The following DNAI4 variants were observed in gnomAD, a reference collection of about 807,000 sequenced individuals.
DNAI4 encodes the protein dynein axonemal intermediate chain 4.
In DNAI4, 85 loss-of-function variants were observed where a neutral mutation model predicts 105.8. The observed-to-expected ratio is 0.80, with a 90% confidence interval of 0.67 to 0.96. The LOEUF is 0.96. Ranked by LOEUF, DNAI4 falls within the 40% of genes least tolerant of loss-of-function variation. The pLI, the probability that DNAI4 is intolerant of heterozygous loss-of-function variation, is 0.00. For missense variants in DNAI4, 1,014 were observed against 1,005.6 expected, an observed-to-expected ratio of 1.01 and a Z score of -0.11; for synonymous variants, 352 against 331.5, an observed-to-expected ratio of 1.06 and a Z score of -0.67.
chr1:66,834,090 G>A lies in DNAI4; in HGVS notation c.1792C>T (p.Arg598Ter), dbSNP rs201757261. ...VWQLQWIEQD[R>*]GTTGDGKREI... ...CTTTTGCCATCTCCTGTTGTTCCTC[G>A]ATCTTGTTCTATCCACTGTAGTTGC... is the stretch of plus-strand genomic sequence containing the variant. Residue 598 changes from arginine to a stop codon, truncating the protein, a stop_gained, in exon 12 of 17, where the codon CGA becomes TGA. Coordinates refer to ENST00000371026, the MANE Select transcript of DNAI4 (RefSeq NM_024763.5). LOFTEE classifies it high-confidence loss of function. 5.0e-6 allele frequency: 8 copies of A among 1,611,864 alleles called. No individual in the cohort carries two copies. Among genetic ancestry groups the A allele is most frequent in the East Asian group, 2.2e-5 (1 of 44,726 alleles).
chr1:66,859,817 G>T (rs755224749), intron 7 of DNAI4, among the ~76,000 whole-genome samples: 10 of 152,066 alleles, frequency 6.6e-5, no homozygotes, highest in African/African-American at 2.4e-4. Flanking sequence ...AAGGAGAAAT[G>T]ATGAATAGGT....
At chr1:66,893,542 T>A (rs954338507) in intron 2 of DNAI4, 129 bp from the exon 3 acceptor site, 2 of 531,892 alleles carry the variant, frequency 3.8e-6, no homozygotes, top group African/African-American at 2.0e-5. Context: ...AGGATAAACA[T>A]GAAAAATTGG....
At chr1:66,916,486 T>C (rs1420257440) in intron 1 of DNAI4, among the ~76,000 whole-genome samples, 1 of 152,144 alleles carries the variant, frequency 6.6e-6, no homozygotes, top group Non-Finnish European at 1.5e-5. Context: ...CTAATCAAAA[T>C]AAACGGCATC....
chr1:66,842,418 T>C (rs1306434017), intron 8 of DNAI4, among the ~76,000 whole-genome samples: 1 of 152,076 alleles, frequency 6.6e-6, no homozygotes, highest in Non-Finnish European at 1.5e-5. Flanking sequence ...GAAGACAGAG[T>C]CTCACTCTGT....
At chr1:66,839,332 T>C (rs1485284387) in intron 9 of DNAI4, among the ~76,000 whole-genome samples, 1 of 152,166 alleles carries the variant, frequency 6.6e-6, no homozygotes, top group Non-Finnish European at 1.5e-5. Context: ...TATAGTTTTA[T>C]AAAGATAAAT....
chr1:66,880,384 G>T (rs1354853273), intron 4 of DNAI4, among the ~76,000 whole-genome samples: 1 of 152,200 alleles, frequency 6.6e-6, no homozygotes, highest in Non-Finnish European at 1.5e-5. Context: ...ACTCCCTAGA[G>T]ACTTTTTGCA....
chr1:66,847,774 A>T lies in DNAI4; in HGVS notation c.1097-96T>A, dbSNP rs369048657. The T allele has an allele frequency of 1.4e-4, 141 of 1,043,000 alleles. No homozygotes were observed. In the East Asian group the frequency reaches 3.3e-3, roughly 24 times the overall value. 64.6% of individuals were successfully genotyped at this position (1,043,000 alleles called of 1,614,324 possible). A position where few individuals can be genotyped will look rare whatever the true frequency, so the allele number is the denominator to read the frequency against. On this transcript the variant is annotated intron_variant, in intron 7 of 16. Coordinates refer to ENST00000371026, the MANE Select transcript of DNAI4 (RefSeq NM_024763.5). ...AAATGACATTTCATCATTTGTATTTATTTTCCTCCAGTTTCCAACAACTTT... is the reference window on the plus strand; with the variant it reads ...AAATGACATTTCATCATTTGTATTTTTTTTCCTCCAGTTTCCAACAACTTT...
chr1:66,824,983 C>T (rs998072006), intron 15 of DNAI4, among the ~76,000 whole-genome samples: 6 of 152,124 alleles, frequency 3.9e-5, no homozygotes, highest in Non-Finnish European at 7.4e-5. Context: ...AGCCCGCCAG[C>T]CTGCACTGCA....
rs1279736999 is a variant in DNAI4 at position 66,836,212 on chromosome 1, G to A, written c.1582-435C>T. 3.8e-3 allele frequency among the ~76,000 whole-genome samples: 320 copies of A among 85,266 alleles called. 5 individuals carry two copies. Among genetic ancestry groups the A allele is most frequent in the Middle Eastern group, 6.8e-3 (1 of 146 alleles). 55.9% of individuals were successfully genotyped at this position (85,266 alleles called of 152,430 possible). ...AGAAAGAAAGAAAGAAAGAAAGAGA[G>A]AGAGAGAGAGAGAGAGAGAGAGAAA... is the stretch of plus-strand genomic sequence containing the variant. On this transcript the variant is annotated intron_variant, in intron 10 of 16. Coordinates refer to ENST00000371026, the MANE Select transcript of DNAI4 (RefSeq NM_024763.5).
At position 66,885,306 on chromosome 1, in the gene DNAI4, C is replaced by G. The variant is rs967417662; in HGVS notation, c.643+5848G>C. Among the ~76,000 whole-genome samples the G allele has an allele frequency of 7.2e-5, 11 of 152,302 alleles. 2 individuals are homozygous for G. The highest frequency in any genetic ancestry group is 1.3e-4 in the Admixed American group (2 of 15,298). On this transcript the variant is annotated intron_variant, in intron 4 of 16. Coordinates refer to ENST00000371026, the MANE Select transcript of DNAI4 (RefSeq NM_024763.5). ...CCTTTCTTTATGTAGATGCAAGTTTCTGACCCATGTCATTTTTCTTTTGCC... is the reference window on the plus strand; with the variant it reads ...CCTTTCTTTATGTAGATGCAAGTTTGTGACCCATGTCATTTTTCTTTTGCC...
intron 2 of DNAI4, among the ~76,000 whole-genome samples, chr1:66,893,645 T>C (rs1648058678): frequency 6.6e-6 from 1 of 152,202 alleles, no homozygotes; most frequent in South Asian, 2.1e-4. Context: ...AATTAATATA[T>C]ATTAACTTTA....
Position 66,862,302 on chromosome 1 carries a change from C to T in DNAI4, c.941G>A (p.Gly314Asp). ...QCDKIIMEDKGIMSTAWDLYD... is the reference protein window; with the variant it reads ...QCDKIIMEDKDIMSTAWDLYD... ...CAAATCCCAGGCAGTGGACATTATG[C>T]CTAGATAAAGACACAGAAAGGTAAA... Residue 314 changes from glycine (G) to aspartate (D), a missense_variant and splice_region_variant, in exon 7 of 17, where the codon GGC becomes GAC. Coordinates refer to ENST00000371026, the MANE Select transcript of DNAI4 (RefSeq NM_024763.5). The T allele has an allele frequency of 6.2e-7, 1 of 1,604,278 alleles. No individual in the cohort carries two copies. The highest frequency in any genetic ancestry group is 1.7e-5 in the Admixed American group (1 of 57,640).
intron 4 of DNAI4, among the ~76,000 whole-genome samples, chr1:66,889,399 T>G (rs1189761960): frequency 6.6e-6 from 1 of 151,988 alleles, no homozygotes; most frequent in African/African-American, 2.4e-5. Flanking sequence ...TTTGAGACCA[T>G]AAGAAAAGAA....
At chr1:66,910,263 AAT>A (rs1166096075) in intron 1 of DNAI4, among the ~76,000 whole-genome samples, 17 of 152,162 alleles carry the variant, frequency 1.1e-4, no homozygotes, top group Admixed American at 1.1e-3. Context: ...AATAAAATAA[AAT>A]ATGACTACTC....
In DNAI4 at chr1:66,834,098, T is replaced by C. The variant is rs750089926; in HGVS notation, c.1784A>G (p.Glu595Gly). ...LGPVWQLQWIEQDRGTTGDGK... is the reference protein window; with the variant it reads ...LGPVWQLQWIGQDRGTTGDGK... ...ATCTCCTGTTGTTCCTCGATCTTGT[T>C]CTATCCACTGTAGTTGCCATACAGG... The change falls in exon 12 of 17, where the codon GAA (glutamate) becomes GGA (glycine). Residue 595 changes from glutamate (E) to glycine (G), a missense_variant. Glu to Gly is a moderately conservative substitution (Grantham distance 98). Transcript: ENST00000371026. The C allele has an allele frequency of 1.2e-6, 2 of 1,612,328 alleles. No homozygotes were observed. Among genetic ancestry groups the C allele is most frequent in the Admixed American group, 3.4e-5 (2 of 59,678 alleles).
intron 7 of DNAI4, among the ~76,000 whole-genome samples, chr1:66,860,436 G>A (rs1241438721): frequency 7.9e-5 from 12 of 151,838 alleles, no homozygotes; most frequent in Admixed American, 7.9e-4. Context: ...ACTAGTCCTA[G>A]TTTTGATCTG....
intron 2 of DNAI4, among the ~76,000 whole-genome samples, chr1:66,896,266 C>T (rs908972153): frequency 1.2e-4 from 19 of 152,048 alleles, no homozygotes; most frequent in Non-Finnish European, 2.4e-4. Flanking sequence ...TTTTTAAAAG[C>T]TTTTTTACAT....
At chr1:66,879,594 T>C (rs1355972560) in intron 4 of DNAI4, among the ~76,000 whole-genome samples, 1 of 152,218 alleles carries the variant, frequency 6.6e-6, no homozygotes, top group Non-Finnish European at 1.5e-5. Context: ...TTTAGTTTTA[T>C]GCGAAATTGT....
intron 11 of DNAI4, 22 bp from the exon 12 acceptor site, chr1:66,834,170 T>C (rs766193107): frequency 6.4e-7 from 1 of 1,560,872 alleles, no homozygotes; most frequent in Admixed American, 1.9e-5. Context: ...AAAAAAATAC[T>C]AAACATATAA....
Sources: gnomAD v4.1 joint callset for allele counts (sites outside exome capture counted in the v4.1 genomes callset) on GRCh38, gnomAD v4.1.1 for gene constraint, MANE v1.5 for transcripts, NCBI Gene and HGNC (gene_info 2026-07-23, HGNC 2026-07-21) for gene names.